EIF3E: variants seen among roughly 807,000 people sequenced by gnomAD.
EIF3E encodes the protein eukaryotic translation initiation factor 3 subunit E.
In EIF3E, 25 loss-of-function variants were observed where a neutral mutation model predicts 59.3. The ratio of observed to expected loss-of-function variants is 0.42; its 90% CI spans 0.31 to 0.59. The LOEUF is 0.59. Ranked by LOEUF, EIF3E falls within the 20% of genes least tolerant of loss-of-function variation. The pLI is 0.15. For missense variants in EIF3E, 317 were observed against 534.3 expected, an observed-to-expected ratio of 0.59 and a Z score of 4.01; for synonymous variants, 176 against 170.2, an observed-to-expected ratio of 1.03 and a Z score of -0.26.
intron 5 of EIF3E, among the ~76,000 whole-genome samples, chr8:108,232,260 C>T (rs547401679): frequency 5.6e-4 from 85 of 152,272 alleles, no homozygotes; most frequent in African/African-American, 1.8e-3. Flanking sequence ...AACAAACTCT[C>T]GCCTAACACA....
chr8:108,245,524 T>C (rs945962773), intron 1 of EIF3E, among the ~76,000 whole-genome samples: 2 of 152,068 alleles, frequency 1.3e-5, no homozygotes, highest in Admixed American at 1.3e-4. Context: ...TAGTGTTTTA[T>C]ATGCATTATC....
intron 2 of EIF3E, among the ~76,000 whole-genome samples, chr8:108,240,422 T>G (rs1196794687): frequency 1.3e-5 from 2 of 152,190 alleles, no homozygotes; most frequent in Admixed American, 1.3e-4. Flanking sequence ...TTTCCAAGTG[T>G]TTTTATATTT....
chr8:108,205,461 C>T (rs1020347678), intron 10 of EIF3E, among the ~76,000 whole-genome samples: 3 of 152,164 alleles, frequency 2.0e-5, no homozygotes, highest in African/African-American at 7.2e-5. Flanking sequence ...ACACATCTGC[C>T]AGGTTAGTTC....
intron 7 of EIF3E, among the ~76,000 whole-genome samples, chr8:108,221,157 A>G (rs1025774530): frequency 6.6e-6 from 1 of 152,020 alleles, no homozygotes; most frequent in African/African-American, 2.4e-5. Flanking sequence ...CCCCTCAGAC[A>G]CTTAACTGAA....
chr8:108,231,547 C>T (rs79517007), intron 5 of EIF3E, among the ~76,000 whole-genome samples: 1 of 151,978 alleles, frequency 6.6e-6, no homozygotes, highest in Non-Finnish European at 1.5e-5. Context: ...AAAGAGACAG[C>T]TCCAAAAGTA....
chr8:108,203,083 G>T lies in EIF3E; in HGVS notation c.1199C>A (p.Pro400His). 2 of 1,612,714 alleles carry T rather than the reference G, an allele frequency of 1.2e-6. No homozygotes were observed. The highest frequency in any genetic ancestry group is 1.7e-6 in the Non-Finnish European group (2 of 1,179,074). Reference sequence around the variant, plus strand: ...GGTCTTTTCAATCACTTGCTGATAGGGTGAGACTGCATTGTTACCCATAAC... The same window carrying T: ...GGTCTTTTCAATCACTTGCTGATAGTGTGAGACTGCATTGTTACCCATAAC... ...HVVMGNNAVS[P>H]YQQVIEKTKS... Residue 400 changes from proline (P) to histidine (H), a missense_variant, in exon 12 of 13, where the codon CCC becomes CAC. Pro to His is a moderately conservative substitution (Grantham distance 77). Around this residue, in one of 4 missense-constraint regions of EIF3E, gnomAD observed 45 missense variants for 97.8 expected, o/e 0.46. Coordinates refer to ENST00000220849, the MANE Select transcript of EIF3E (RefSeq NM_001568.3).
chr8:108,234,958 G>GAAAAAAAAAAAAAAAAAAA (rs1815697905), intron 5 of EIF3E, 40 bp downstream of exon 5: 1 of 706,988 alleles, frequency 1.4e-6, no homozygotes, highest in Non-Finnish European at 1.7e-6. Context: ...TCCTACAAAA[G>GAAAAAAAAAAAAAAAAAAA]ACAAAAAAAA....
At chr8:108,217,974 G>C (rs1815335316) in intron 7 of EIF3E, among the ~76,000 whole-genome samples, 1 of 152,176 alleles carries the variant, frequency 6.6e-6, no homozygotes, top group Non-Finnish European at 1.5e-5. Flanking sequence ...AATTAGGAAG[G>C]AATAGATGTC....
At chr8:108,238,231 C>T (rs1398803550) in intron 3 of EIF3E, among the ~76,000 whole-genome samples, 1 of 150,864 alleles carries the variant, frequency 6.6e-6, no homozygotes, top group Non-Finnish European at 1.5e-5. Flanking sequence ...TAATATATAG[C>T]TCTGTCTATG....
At chr8:108,203,918 T>C (rs1158701744) in intron 10 of EIF3E, among the ~76,000 whole-genome samples, 1 of 151,796 alleles carries the variant, frequency 6.6e-6, no homozygotes, top group African/African-American at 2.4e-5. Flanking sequence ...AGATAGAAAA[T>C]ATTTGGGAAA....
chr8:108,218,342 A>T (rs1248031788), intron 7 of EIF3E, among the ~76,000 whole-genome samples: 3 of 152,084 alleles, frequency 2.0e-5, no homozygotes, highest in African/African-American at 7.2e-5. Flanking sequence ...TGAAAGCCTA[A>T]ATCCTAGCCA....
In EIF3E at chr8:108,235,110, GAA is replaced by G. The variant is rs745400190; in HGVS notation, c.367-10_367-9del. The G allele has an allele frequency of 7.2e-6, 10 of 1,381,138 alleles. No individual in the cohort carries two copies. The highest frequency in any genetic ancestry group is 2.8e-5 in the South Asian group (2 of 70,974). The allele number at this position is 1,381,138 out of a possible 1,614,324, so 85.6% of individuals were successfully genotyped here. The stretch of plus-strand genomic sequence containing the variant: ...TAAATATTCCTGCCTAAACTAAAAA[GAA>G]AAAAAAAAGATTAAGTTCTCTTTAA... On this transcript the variant is annotated splice_polypyrimidine_tract_variant and intron_variant, in intron 4 of 12. Coordinates refer to ENST00000220849, the MANE Select transcript of EIF3E (RefSeq NM_001568.3).
At chr8:108,246,519 T>C (rs1246097236) in intron 1 of EIF3E, among the ~76,000 whole-genome samples, 1 of 152,198 alleles carries the variant, frequency 6.6e-6, no homozygotes, top group African/African-American at 2.4e-5. Context: ...GTGAGATGTC[T>C]GGGTTTTATC....
In EIF3E at chr8:108,214,690, C is replaced by T; in HGVS notation, c.978G>A (p.Val326=). The T allele has an allele frequency of 6.2e-7, 1 of 1,608,800 alleles. No homozygotes were observed. The change falls in exon 10 of 13, where the codon GTG becomes GTA. Residue 326 remains valine (V), a synonymous_variant. Coordinates refer to ENST00000220849, the MANE Select transcript of EIF3E (RefSeq NM_001568.3). Reference sequence around the variant, plus strand: ...TTTCAATGAAATCCTCAAGACAAGCCACCAAGAAGAAGTCATTCACAAGCA... The same window carrying T: ...TTTCAATGAAATCCTCAAGACAAGCTACCAAGAAGAAGTCATTCACAAGCA... The part of the protein sequence containing the change: ...ESVLVNDFFL[V]ACLEDFIENA...
chr8:108,210,994 C>T (rs1202854694), intron 10 of EIF3E, among the ~76,000 whole-genome samples: 5 of 152,152 alleles, frequency 3.3e-5, no homozygotes, highest in Non-Finnish European at 7.3e-5. Flanking sequence ...TCCAGTCTAT[C>T]ATTGATGAAC....
chr8:108,241,971 A>C (rs1815844806), intron 1 of EIF3E, 58 bp from the exon 2 acceptor site: 2 of 1,273,634 alleles, frequency 1.6e-6, no homozygotes, highest in Admixed American at 4.7e-5. Context: ...TAAACTGATT[A>C]ATACTAAAAC....
chr8:108,206,659 C>G (rs1563626566), intron 10 of EIF3E, among the ~76,000 whole-genome samples: 2 of 151,982 alleles, frequency 1.3e-5, no homozygotes, highest in Non-Finnish European at 2.9e-5. Flanking sequence ...CACACGCACG[C>G]ACGTACAGTG....
intron 10 of EIF3E, 49 bp from the exon 11 acceptor site, chr8:108,203,552 T>G: frequency 6.6e-7 from 1 of 1,508,502 alleles, no homozygotes; most frequent in Non-Finnish European, 9.2e-7. Flanking sequence ...GCCTAAAAAC[T>G]TAGTTTTATG....
chr8:108,233,100 A>G (rs898903061), intron 5 of EIF3E, among the ~76,000 whole-genome samples: 103 of 152,184 alleles, frequency 6.8e-4, no homozygotes, highest in African/African-American at 2.4e-3. Context: ...GAATTTTTTG[A>G]TAAGTTACTA....
Sources: gnomAD v4.1 joint callset for allele counts (sites outside exome capture counted in the v4.1 genomes callset) on GRCh38, gnomAD v4.1.1 for gene constraint, gnomAD v4.1.1 regional missense constraint, MANE v1.5 for transcripts, NCBI Gene and HGNC (gene_info 2026-07-23, HGNC 2026-07-21) for gene names.